Variants in CSMD1 observed in about 807,000 individuals in gnomAD.
CSMD1 encodes the protein CUB and Sushi multiple domains 1, also known as CUB and sushi domain-containing protein 1.
A neutral mutation model predicts 417.5 loss-of-function variants in CSMD1; 213 were observed. The ratio of observed to expected loss-of-function variants is 0.51; its 90% CI spans 0.46 to 0.57. The LOEUF is 0.57. Among genes scored for constraint, CSMD1 ranks in the 20% least tolerant of loss-of-function variants. The pLI is 0.00. For missense variants in CSMD1, 6,923 were observed against 4,529.7 expected (o/e 1.53, Z -15.17); for synonymous variants, 2,862 against 1,736.8 (o/e 1.65, Z -16.11).
At chr8:4,769,136 A>G (rs1161361298) in intron 1 of CSMD1, among the ~76,000 whole-genome samples, 1 of 152,162 alleles carries the variant, frequency 6.6e-6, no homozygotes, top group Non-Finnish European at 1.5e-5. Flanking sequence ...TATGACCTTG[A>G]CCATTTATTT....
chr8:3,638,134 C>T (rs1043880023), intron 7 of CSMD1, among the ~76,000 whole-genome samples: 3 of 152,144 alleles, frequency 2.0e-5, no homozygotes, highest in African/African-American at 4.8e-5. Flanking sequence ...GAGTCTTAAA[C>T]GTAAGATCTC....
At chr8:3,153,299 A>T (rs988046530) in intron 39 of CSMD1, among the ~76,000 whole-genome samples, 1 of 152,214 alleles carries the variant, frequency 6.6e-6, no homozygotes, top group African/African-American at 2.4e-5. Flanking sequence ...CTTGTTTAGC[A>T]TATCATCAAG....
intron 2 of CSMD1, among the ~76,000 whole-genome samples, chr8:4,529,259 C>T (rs1041786504): frequency 4.6e-5 from 7 of 152,032 alleles, no homozygotes; most frequent in African/African-American, 1.7e-4. Context: ...TCGGAGTGGA[C>T]AATGTGGTTT....
intron 1 of CSMD1, among the ~76,000 whole-genome samples, chr8:4,678,181 C>T (rs752527379): frequency 3.3e-5 from 5 of 151,988 alleles, no homozygotes; most frequent in Admixed American, 6.6e-5. Flanking sequence ...GAGGCTGAGG[C>T]GTGTAGATCA....
chr8:4,155,792 C>T (rs1410040150), intron 3 of CSMD1, among the ~76,000 whole-genome samples: 1 of 152,040 alleles, frequency 6.6e-6, no homozygotes, highest in African/African-American at 2.4e-5. Flanking sequence ...GTATTAAGAG[C>T]CACAAAGGGG....
chr8:4,460,129 G>C (rs961606625), intron 2 of CSMD1, among the ~76,000 whole-genome samples: 1 of 152,098 alleles, frequency 6.6e-6, no homozygotes, highest in African/African-American at 2.4e-5. Context: ...ACTACTTTCA[G>C]TTTATTTAAA....
Position 4,056,585 on chromosome 8 carries a change from G to A in CSMD1, c.416-24486C>T, listed in dbSNP as rs1035658563. Among the ~76,000 whole-genome samples, 7 of 151,708 alleles carry A rather than the reference G, an allele frequency of 4.6e-5. 1 individual carries two copies. The highest frequency in any genetic ancestry group is 1.9e-4 in the East Asian group (1 of 5,160). On this transcript the variant is annotated intron_variant, in intron 3 of 69. Coordinates refer to ENST00000635120, the MANE Select transcript of CSMD1 (RefSeq NM_033225.6). Reference sequence around the variant, plus strand: ...GTTTTAGGGTACATGTGCACAATGTGCAGGTAAGTTACCTATGTATACATG... The same window carrying A: ...GTTTTAGGGTACATGTGCACAATGTACAGGTAAGTTACCTATGTATACATG...
intron 25 of CSMD1, among the ~76,000 whole-genome samples, chr8:3,286,326 C>T (rs1368586727): frequency 6.6e-6 from 1 of 152,050 alleles, no homozygotes; most frequent in Non-Finnish European, 1.5e-5. Context: ...ATTTATAATC[C>T]TTTGGGTATA....
chr8:3,473,723 G>C (rs1817240597), intron 11 of CSMD1, among the ~76,000 whole-genome samples: 2 of 152,172 alleles, frequency 1.3e-5, no homozygotes, highest in Non-Finnish European at 2.9e-5. Context: ...GAAGAAGATA[G>C]ATTCCTAGCA....
At chr8:4,088,662 T>G (rs1462193899) in intron 3 of CSMD1, among the ~76,000 whole-genome samples, 2 of 152,144 alleles carry the variant, frequency 1.3e-5, no homozygotes, top group Non-Finnish European at 2.9e-5. Context: ...TGTCTTCATG[T>G]TTTCACCTTC....
intron 3 of CSMD1, among the ~76,000 whole-genome samples, chr8:4,400,935 C>T (rs1186064836): frequency 7.3e-6 from 1 of 137,912 alleles, no homozygotes; most frequent in African/African-American, 2.7e-5. Context: ...ACCAACTTCA[C>T]AACTTTATTT....
At chr8:3,933,647 T>G (rs1349905856) in intron 5 of CSMD1, among the ~76,000 whole-genome samples, 1 of 152,194 alleles carries the variant, frequency 6.6e-6, no homozygotes, top group African/African-American at 2.4e-5. Context: ...ATTGAAGAGA[T>G]TTCAGAAAAA....
intron 3 of CSMD1, among the ~76,000 whole-genome samples, chr8:4,104,182 T>C (rs972901022): frequency 6.6e-6 from 1 of 152,240 alleles, no homozygotes; most frequent in African/African-American, 2.4e-5. Flanking sequence ...TGGAATTTAG[T>C]TCATTCTCTA....
At chr8:4,658,092 T>C (rs1665379473) in intron 1 of CSMD1, among the ~76,000 whole-genome samples, 1 of 151,608 alleles carries the variant, frequency 6.6e-6, no homozygotes, top group African/African-American at 2.4e-5. Context: ...AAACAGAGCT[T>C]AAGAAACACA....
chr8:3,415,838 A>T (rs949279907), intron 12 of CSMD1, among the ~76,000 whole-genome samples: 2 of 152,200 alleles, frequency 1.3e-5, no homozygotes, highest in African/African-American at 4.8e-5. Context: ...TTATTGGTAA[A>T]ATGGATCTAT....
chr8:3,626,642 G>C (rs1796504830), intron 7 of CSMD1, among the ~76,000 whole-genome samples: 1 of 151,392 alleles, frequency 6.6e-6, no homozygotes, highest in Non-Finnish European at 1.5e-5. Flanking sequence ...GTTTCTTTTT[G>C]ATTATAGTTC....
chr8:4,013,431 C>T (rs771545162), intron 4 of CSMD1, among the ~76,000 whole-genome samples: 3 of 152,122 alleles, frequency 2.0e-5, no homozygotes, highest in African/African-American at 7.2e-5. Flanking sequence ...TCCAAATATT[C>T]CGGTTTTCTA....
At chr8:3,959,952 G>C (rs934544406) in intron 5 of CSMD1, among the ~76,000 whole-genome samples, 1 of 152,146 alleles carries the variant, frequency 6.6e-6, no homozygotes, top group East Asian at 1.9e-4. Context: ...TGATCATGTG[G>C]TACTTGAACA....
chr8:4,147,499 T>C (rs6989761), intron 3 of CSMD1, among the ~76,000 whole-genome samples: 46,223 of 152,066 alleles, frequency 0.3, 7,462 homozygotes, highest in Middle Eastern at 0.43. Context: ...CCCACCACAA[T>C]CTGTTCCTGT....
Sources: allele counts gnomAD v4.1 joint callset (sites outside exome capture counted in the v4.1 genomes callset), GRCh38; gene constraint gnomAD v4.1.1; transcripts MANE v1.5; gene names NCBI Gene and HGNC (gene_info 2026-07-23, HGNC 2026-07-21).